DCC: variants seen among roughly 807,000 people sequenced by gnomAD.
The protein encoded by DCC is netrin receptor DCC.
In DCC, 58 loss-of-function variants were observed where a neutral mutation model predicts 172.5. The ratio of observed to expected loss-of-function variants is 0.34; its 90% CI spans 0.27 to 0.42. DCC has a LOEUF of 0.42. Ranked by LOEUF, DCC falls within the 10% of genes least tolerant of loss-of-function variation. The probability of loss-of-function intolerance (pLI) is 1.00; values close to 1 mark genes in which losing one functional copy is unlikely to be tolerated. For missense variants in DCC, 1,740 were observed against 1,791.0 expected, an observed-to-expected ratio of 0.97 and a Z score of 0.51; for synonymous variants, 709 against 644.5, an observed-to-expected ratio of 1.10 and a Z score of -1.52.
In DCC at chr18:52,450,038, G is replaced by A. The variant is rs1161855628; in HGVS notation, c.91+109160G>A. Among the ~76,000 whole-genome samples, 5 of 152,038 alleles carry A rather than the reference G, an allele frequency of 3.3e-5. No individual in the cohort carries two copies. In the South Asian group the frequency reaches 1.0e-3, roughly 32 times the overall value. ...TAATCAAGTAAGAATTTAACTGAAG[G>A]GTTAATTTACAATTGGGAAAAGAAA... On this transcript the variant is annotated intron_variant, in intron 1 of 28. Transcript: ENST00000442544.
rs1598914675 is a variant in DCC, at chr18:52,904,044, A to G, written c.413-2000A>G. Among the ~76,000 whole-genome samples the G allele has an allele frequency of 2.0e-5, 3 of 152,336 alleles. No homozygotes were observed. In the South Asian group the frequency reaches 6.2e-4, roughly 32 times the overall value. Reference sequence around the variant, plus strand: ...TAACTGAAAAAGAATAAAATTAGCCAAGTGGCTGGCGCCCCCTGTAGGCAA... The same window carrying G: ...TAACTGAAAAAGAATAAAATTAGCCGAGTGGCTGGCGCCCCCTGTAGGCAA... On this transcript the variant is annotated intron_variant, in intron 2 of 28. Transcript: ENST00000442544.
chr18:53,361,318 A>C (rs1267236002), intron 15 of DCC, among the ~76,000 whole-genome samples: 1 of 152,144 alleles, frequency 6.6e-6, no homozygotes, highest in African/African-American at 2.4e-5. Context: ...GCTCTAGAAA[A>C]TCAATACAAA....
At chr18:52,892,485 A>G (rs1472790223) in intron 2 of DCC, 2 of 152,112 alleles carry the variant, frequency 1.3e-5, no homozygotes, top group East Asian at 3.9e-4. Context: ...ATGATTTACT[A>G]TTCTCCAACG....
chr18:52,340,473 T>C lies in DCC; in HGVS notation c.-315T>C, dbSNP rs1983575977. On this transcript the variant is annotated 5_prime_UTR_variant, in exon 1 of 29. Coordinates refer to ENST00000442544, the MANE Select transcript of DCC (RefSeq NM_005215.4). ...CTTGCGAGCCCCTCAGAGAGCTGTC[T>C]TCCCTCCTCTGGCTCCCTCCGTTTC... is the stretch of plus-strand genomic sequence containing the variant. 8 of 459,670 alleles carry C rather than the reference T, an allele frequency of 1.7e-5. No individual in the cohort carries two copies. Among genetic ancestry groups the C allele is most frequent in the Non-Finnish European group, 3.2e-5 (8 of 248,984 alleles). The allele number at this position is 459,670 out of a possible 1,614,324, so 28.5% of individuals were successfully genotyped here.
At chr18:53,468,363 T>TTTATTTATTTA (rs1555675962) in intron 25 of DCC, among the ~76,000 whole-genome samples, 23 of 54,736 alleles carry the variant, frequency 4.2e-4, no homozygotes, top group Middle Eastern at 0.01. Flanking sequence ...TATTTATTTA[T>TTTATTTATTTA]TTTATTTATT....
chr18:52,825,418 C>G (rs1598842072), intron 2 of DCC, among the ~76,000 whole-genome samples: 1 of 152,128 alleles, frequency 6.6e-6, no homozygotes, highest in East Asian at 1.9e-4. Context: ...TCTTAAATTT[C>G]TATTTTATAT....
intron 26 of DCC, among the ~76,000 whole-genome samples, chr18:53,494,812 AT>A (rs2046000343): frequency 1.6e-4 from 25 of 152,152 alleles, no homozygotes; most frequent in Admixed American, 1.6e-3. Flanking sequence ...CTTAAGGTTA[AT>A]ATTGTTATGT....
chr18:53,141,312 ATAAAT>A (rs1273395186), intron 7 of DCC, among the ~76,000 whole-genome samples: 1 of 152,212 alleles, frequency 6.6e-6, no homozygotes, highest in Non-Finnish European at 1.5e-5. Flanking sequence ...ATCCTCCAAA[ATAAAT>A]TGGGCTATGT....
intron 1 of DCC, among the ~76,000 whole-genome samples, chr18:52,736,641 T>C (rs1444209101): frequency 1.3e-5 from 2 of 152,184 alleles, no homozygotes; most frequent in Non-Finnish European, 2.9e-5. Flanking sequence ...AAATGTACAG[T>C]AATTATAGTT....
At chr18:53,216,580 A>T (rs540029560) in intron 12 of DCC, among the ~76,000 whole-genome samples, 3 of 152,172 alleles carry the variant, frequency 2.0e-5, no homozygotes, top group Non-Finnish European at 2.9e-5. Context: ...AATGTATGCG[A>T]TGAATCTGAC....
intron 22 of DCC, among the ~76,000 whole-genome samples, 166 bp downstream of exon 22, chr18:53,435,375 CA>C (rs59995453): frequency 2.0e-5 from 3 of 150,620 alleles, no homozygotes; most frequent in South Asian, 2.1e-4. Context: ...AAAACAAAAA[CA>C]AAAAAAACAA....
chr18:52,908,343 C>T (rs570112939), intron 3 of DCC, among the ~76,000 whole-genome samples: 61 of 152,138 alleles, frequency 4.0e-4, no homozygotes, highest in South Asian at 6.2e-4. Flanking sequence ...ACATTTCATC[C>T]GCTAGGCAAT....
At chr18:52,523,417 A>C (rs897597358) in intron 1 of DCC, among the ~76,000 whole-genome samples, 1 of 152,206 alleles carries the variant, frequency 6.6e-6, no homozygotes, top group Admixed American at 6.5e-5. Context: ...ACAAATGTGG[A>C]CATCTGTGAT....
At chr18:52,771,123 T>C (rs1386279115) in intron 2 of DCC, among the ~76,000 whole-genome samples, 1 of 152,192 alleles carries the variant, frequency 6.6e-6, no homozygotes, top group Non-Finnish European at 1.5e-5. Flanking sequence ...GGGCCTGATT[T>C]ACTCAGTGTC....
chr18:52,345,459 T>C (rs1469511923), intron 1 of DCC, among the ~76,000 whole-genome samples: 1 of 152,196 alleles, frequency 6.6e-6, no homozygotes, highest in African/African-American at 2.4e-5. Flanking sequence ...AACAGTTATA[T>C]CTTAAGGAAT....
chr18:52,926,758 C>T (rs2145491165), intron 5 of DCC, among the ~76,000 whole-genome samples: 1 of 149,166 alleles, frequency 6.7e-6, no homozygotes, highest in South Asian at 2.1e-4. Context: ...ATACTGATTT[C>T]TGGGGATAAA....
Position 52,484,361 on chromosome 18 carries a change from C to T in DCC, c.91+143483C>T, listed in dbSNP as rs538920079. On this transcript the variant is annotated intron_variant, in intron 1 of 28. Coordinates refer to ENST00000442544, the MANE Select transcript of DCC (RefSeq NM_005215.4). ...GCCATTATTTTCCATTTTATTATAT[C>T]TGTTTTGCCTGAAGGGAGAGGCGGA... Among the ~76,000 whole-genome samples, 6 of 152,162 alleles carry T rather than the reference C, an allele frequency of 3.9e-5. No individual in the cohort carries two copies. The East Asian group carries it at 1.2e-3, about 29-fold the overall frequency.
intron 25 of DCC, among the ~76,000 whole-genome samples, chr18:53,473,827 ATCTC>A: frequency 6.6e-6 from 1 of 152,304 alleles, no homozygotes; most frequent in Admixed American, 6.5e-5. Context: ...TGAAGGTGCT[ATCTC>A]CATTGTCTAA....
At chr18:52,622,616 C>A (rs1021919627) in intron 1 of DCC, among the ~76,000 whole-genome samples, 1 of 151,840 alleles carries the variant, frequency 6.6e-6, no homozygotes, top group South Asian at 2.1e-4. Context: ...CCAAATATTT[C>A]GGTTCATTAG....
Sources: gnomAD v4.1 joint callset for allele counts (sites outside exome capture counted in the v4.1 genomes callset) on GRCh38, gnomAD v4.1.1 for gene constraint, MANE v1.5 for transcripts, NCBI Gene and HGNC (gene_info 2026-07-23, HGNC 2026-07-21) for gene names.